The following SNAI1 variants were observed in gnomAD, a reference collection of about 807,000 sequenced individuals.
The protein encoded by SNAI1 is snail family transcriptional repressor 1.
SNAI1 carries 15 observed loss-of-function variants against 24.7 expected under a neutral mutation model. That is an observed-to-expected ratio of 0.61 (90% CI 0.41 to 0.93). The LOEUF (loss-of-function observed/expected upper bound fraction) is 0.93. Ranked by LOEUF, SNAI1 falls within the 40% of genes least tolerant of loss-of-function variation. The probability of loss-of-function intolerance (pLI) is 0.00; values close to 1 mark genes in which losing one functional copy is unlikely to be tolerated. For missense variants in SNAI1, 283 were observed against 336.7 expected, an observed-to-expected ratio of 0.84 and a Z score of 1.25; for synonymous variants, 163 against 142.9, an observed-to-expected ratio of 1.14 and a Z score of -1.00.
At chr20:49,984,433 G>C (rs2078327741) in intron 2 of SNAI1, 82 bp downstream of exon 2, 4 of 1,363,818 alleles carry the variant, frequency 2.9e-6, no homozygotes, top group Non-Finnish European at 3.9e-6. Context: ...CATTCCCAAA[G>C]CTGTGGACAC....
chr20:49,986,594 T>C (rs958909219), intron 2 of SNAI1, among the ~76,000 whole-genome samples: 1 of 152,096 alleles, frequency 6.6e-6, no homozygotes, highest in African/African-American at 2.4e-5. Context: ...CTATTCAGTA[T>C]TATGGAATAG....
chr20:49,984,684 C>T (rs2078328465), intron 2 of SNAI1, among the ~76,000 whole-genome samples: 1 of 152,228 alleles, frequency 6.6e-6, no homozygotes, highest in Non-Finnish European at 1.5e-5. Context: ...CCGGGTCCGC[C>T]CCCTCCCTAG....
Position 49,983,059 on chromosome 20 carries a change from T to C in SNAI1, c.-1T>C, listed in dbSNP as rs778487835. ...TCGGCGACCCCAGTGCCTCGACCAC[T>C]ATGCCGCGCTCTTTCCTCGTCAGGA... is the stretch of plus-strand genomic sequence containing the variant. On this transcript the variant is annotated 5_prime_UTR_variant, in exon 1 of 3. Transcript: ENST00000244050. 2 of 1,612,474 alleles carry C rather than the reference T, an allele frequency of 1.2e-6. No individual in the cohort carries two copies. Among genetic ancestry groups the C allele is most frequent in the Non-Finnish European group, 8.5e-7 (1 of 1,179,194 alleles).
intron 2 of SNAI1, among the ~76,000 whole-genome samples, chr20:49,985,145 A>G (rs984942096): frequency 1.3e-5 from 2 of 152,180 alleles, no homozygotes; most frequent in Admixed American, 1.3e-4. Flanking sequence ...CAGAAAACAC[A>G]ATCACGTCTT....
chr20:49,987,495 G>A (rs775690053), intron 2 of SNAI1, among the ~76,000 whole-genome samples: 1 of 152,170 alleles, frequency 6.6e-6, no homozygotes, highest in Non-Finnish European at 1.5e-5. Flanking sequence ...ACCACAGTAG[G>A]ATCAAGTGAC....
chr20:49,986,914 AG>A (rs1421864118), intron 2 of SNAI1, among the ~76,000 whole-genome samples: 2 of 152,196 alleles, frequency 1.3e-5, no homozygotes, highest in Non-Finnish European at 2.9e-5. Context: ...GGCATGAGTG[AG>A]GGGGCAGACT....
chr20:49,987,942 C>T lies in SNAI1; in HGVS notation c.681C>T (p.Leu227=), dbSNP rs375610941. ...FADRSNLRAH[L]QTHSDVKKYQ... ...ACCGCTCCAACCTGCGGGCCCACCT[C>T]CAGACCCACTCAGATGTCAAGAAGT... is the stretch of plus-strand genomic sequence containing the variant. The change falls in exon 3 of 3, where the codon CTC becomes CTT. Residue 227 remains leucine (L), a synonymous_variant. Transcript: ENST00000244050. 2 of 1,613,998 alleles carry T rather than the reference C, an allele frequency of 1.2e-6. No homozygotes were observed. The highest frequency in any genetic ancestry group is 2.7e-5 in the African/African-American group (2 of 74,910).
chr20:49,986,808 T>A (rs984140166), intron 2 of SNAI1, among the ~76,000 whole-genome samples: 12 of 152,148 alleles, frequency 7.9e-5, no homozygotes, highest in Non-Finnish European at 1.2e-4. Flanking sequence ...TGACCTTTTA[T>A]TTGGAAAATG....
chr20:49,987,880 C>G lies in SNAI1; in HGVS notation c.619C>G (p.Pro207Ala). ...GHVRTHTGEK[P>A]FSCPHCSRAF... ...TGGCGTTCTCTCCCCAGGCGAGAAGCCCTTCTCCTGTCCCCACTGCAGCCG... is the reference window on the plus strand; with the variant it reads ...TGGCGTTCTCTCCCCAGGCGAGAAGGCCTTCTCCTGTCCCCACTGCAGCCG... Residue 207 changes from proline to alanine, a missense_variant, in exon 3 of 3, where the codon CCC becomes GCC. By Grantham distance (27) the Pro-to-Ala change is conservative. Coordinates refer to ENST00000244050, the MANE Select transcript of SNAI1 (RefSeq NM_005985.4). The G allele has an allele frequency of 6.2e-7, 1 of 1,614,018 alleles. No homozygotes were observed.
intron 2 of SNAI1, among the ~76,000 whole-genome samples, chr20:49,984,863 A>G (rs77090490): frequency 0.061 from 9,235 of 152,336 alleles, 305 homozygotes; most frequent in Non-Finnish European, 0.072. Flanking sequence ...AGGAATGCAT[A>G]TGGGAAGCAC....
At position 49,983,065 on chromosome 20, in the gene SNAI1, G is replaced by T. The variant is rs141788073; in HGVS notation, c.6G>T (p.Pro2=). M[P]RSFLVRKPSD... ...ACCCCAGTGCCTCGACCACTATGCC[G>T]CGCTCTTTCCTCGTCAGGAAGCCCT... The change falls in exon 1 of 3, where the codon CCG becomes CCT. Residue 2 remains proline, a synonymous_variant. Coordinates refer to ENST00000244050, the MANE Select transcript of SNAI1 (RefSeq NM_005985.4). 8.1e-6 allele frequency: 13 copies of T among 1,613,188 alleles called. No individual in the cohort carries two copies. Among genetic ancestry groups the T allele is most frequent in the African/African-American group, 2.7e-5 (2 of 74,874 alleles).
chr20:49,983,969 C>T lies in SNAI1; in HGVS notation c.228C>T (p.Ser76=), dbSNP rs758694399. The part of the protein sequence containing the change: ...APQAQPIAWA[S]LRLQESPRVA... ...AAGCCCAGCCAATTGCCTGGGCCTCCCTTCGGCTCCAGGAGAGTCCCAGGG... is the reference window on the plus strand; with the variant it reads ...AAGCCCAGCCAATTGCCTGGGCCTCTCTTCGGCTCCAGGAGAGTCCCAGGG... The change falls in exon 2 of 3, where the codon TCC becomes TCT. Residue 76 remains serine (S), a synonymous_variant. Transcript: ENST00000244050. 3.7e-6 allele frequency: 6 copies of T among 1,613,574 alleles called. No homozygotes were observed. In the African/African-American group the frequency reaches 5.3e-5, roughly 14 times the overall value.
At chr20:49,987,789 T>G in intron 2 of SNAI1, 83 bp from the exon 3 acceptor site, 1 of 1,283,470 alleles carries the variant, frequency 7.8e-7, no homozygotes, top group Non-Finnish European at 1.1e-6. Context: ...TCTTTCAGGG[T>G]TTGGGGTATG....
Position 49,988,148 on chromosome 20 carries a change from C to T in SNAI1, c.*92C>T. ...AAGGACCCCACATCCTTCTCACTGC[C>T]ATGGAATTCCCTCCTGAGTGCCCCA... On this transcript the variant is annotated 3_prime_UTR_variant, in exon 3 of 3. Coordinates refer to ENST00000244050, the MANE Select transcript of SNAI1 (RefSeq NM_005985.4). 2 of 1,163,170 alleles carry T rather than the reference C, an allele frequency of 1.7e-6. No individual in the cohort carries two copies. Among genetic ancestry groups the T allele is most frequent in the Non-Finnish European group, 2.4e-6 (2 of 825,850 alleles). The allele number at this position is 1,163,170 out of a possible 1,614,324, so 72.1% of individuals were successfully genotyped here.
intron 2 of SNAI1, among the ~76,000 whole-genome samples, chr20:49,987,119 C>T (rs6091079): frequency 0.18 from 27,156 of 152,126 alleles, 4,647 homozygotes; most frequent in African/African-American, 0.46. Context: ...GGCTGGGGCT[C>T]AGAAGGGACT....
rs1222675553 is a variant in SNAI1 at position 49,984,169 on chromosome 20, C to T, written c.428C>T (p.Ser143Phe). 3 of 1,614,128 alleles carry T rather than the reference C, an allele frequency of 1.9e-6. No homozygotes were observed. Among genetic ancestry groups the T allele is most frequent in the South Asian group, 1.1e-5 (1 of 91,090 alleles). Reference sequence around the variant, plus strand: ...GTGCCCAAGCAGCTGGCCCAGCTCTCTGAGGCCAAGGATCTCCAGGCTCGA... The same window carrying T: ...GTGCCCAAGCAGCTGGCCCAGCTCTTTGAGGCCAAGGATCTCCAGGCTCGA... ...GQVPKQLAQL[S>F]EAKDLQARKA... Residue 143 changes from serine (S) to phenylalanine (F), a missense_variant, in exon 2 of 3, where the codon TCT becomes TTT. Physicochemically the swap from Ser to Phe is radical, Grantham distance 155 (BLOSUM62 -2). Coordinates refer to ENST00000244050, the MANE Select transcript of SNAI1 (RefSeq NM_005985.4).
chr20:49,985,476 C>T (rs1371142334), intron 2 of SNAI1, among the ~76,000 whole-genome samples: 14 of 152,230 alleles, frequency 9.2e-5, no homozygotes, highest in Non-Finnish European at 2.1e-4. Context: ...AAAGGTCCAA[C>T]TGCCTGGCCT....
At chr20:49,983,686 T>C in intron 1 of SNAI1, 138 bp from the exon 2 acceptor site, 1 of 826,134 alleles carries the variant, frequency 1.2e-6, no homozygotes, top group Non-Finnish European at 1.8e-6. Flanking sequence ...AGGAACCTGG[T>C]CTGTCCTGTG....
intron 2 of SNAI1, among the ~76,000 whole-genome samples, chr20:49,985,065 C>T (rs1392844315): frequency 2.0e-5 from 3 of 152,140 alleles, no homozygotes; most frequent in African/African-American, 4.8e-5. Flanking sequence ...TATACCCGAA[C>T]GGTTCTCAGG....
Sources: gnomAD v4.1 joint callset for allele counts (sites outside exome capture counted in the v4.1 genomes callset) on GRCh38, gnomAD v4.1.1 for gene constraint, MANE v1.5 for transcripts, NCBI Gene and HGNC (gene_info 2026-07-23, HGNC 2026-07-21) for gene names.